The following EFCAB6 variants were observed in gnomAD, a reference collection of about 807,000 sequenced individuals.
EFCAB6 encodes the protein EF-hand calcium binding domain 6, also known as EF-hand calcium-binding domain-containing protein 6.
A neutral mutation model predicts 169.8 loss-of-function variants in EFCAB6; 156 were observed. The ratio of observed to expected loss-of-function variants is 0.92; its 90% CI spans 0.81 to 1.05. The LOEUF is 1.05. Among genes scored for constraint, EFCAB6 ranks in the 50% least tolerant of loss-of-function variants. The pLI is 0.00. For synonymous variants in EFCAB6, 698 were observed against 676.4 expected (o/e 1.03, Z -0.50); for missense variants, 1,800 against 1,829.1 (o/e 0.98, Z 0.29).
At position 43,626,674 on chromosome 22, in the gene EFCAB6, G is replaced by C. The variant is rs1279157144; in HGVS notation, c.2238C>G (p.Pro746=). The change falls in exon 20 of 32, where the codon CCC becomes CCG. Residue 746 remains proline (P), a synonymous_variant. Transcript: ENST00000262726. The part of the protein sequence containing the change: ...PRRLKESFRD[P]YSAFFKTDAD... ...CATCTGTTTTAAAGAAGGCAGAGTA[G>C]GGGTCCTAAAAACAAAACACACACG... 1 of 1,614,102 alleles carries C rather than the reference G, an allele frequency of 6.2e-7. No individual in the cohort carries two copies. The highest frequency in any genetic ancestry group is 1.1e-5 in the South Asian group (1 of 91,064).
intron 4 of EFCAB6, 100 bp downstream of exon 4, chr22:43,772,792 G>C (rs1019423489): frequency 3.1e-6 from 4 of 1,306,980 alleles, no homozygotes; most frequent in Non-Finnish European, 4.2e-6. Context: ...ACTGCTCAGT[G>C]GCAACAGTGG....
chr22:43,699,470 T>C (rs997051224), intron 10 of EFCAB6, among the ~76,000 whole-genome samples: 2 of 152,204 alleles, frequency 1.3e-5, no homozygotes, highest in Non-Finnish European at 2.9e-5. Flanking sequence ...ACTACTGGCC[T>C]TACTTGAACC....
chr22:43,771,303 T>G (rs1038418852), intron 4 of EFCAB6, among the ~76,000 whole-genome samples: 8 of 152,120 alleles, frequency 5.3e-5, no homozygotes, highest in Admixed American at 1.3e-4. Context: ...TGGTGGCACA[T>G]GCCTGTAATC....
At chr22:43,624,269 G>C (rs1226174855) in intron 20 of EFCAB6, among the ~76,000 whole-genome samples, 1 of 152,172 alleles carries the variant, frequency 6.6e-6, no homozygotes, top group Non-Finnish European at 1.5e-5. Flanking sequence ...CGGGGACCAA[G>C]TCAGTTCTCA....
intron 19 of EFCAB6, among the ~76,000 whole-genome samples, chr22:43,627,590 T>C (rs1217180759): frequency 6.6e-6 from 1 of 152,194 alleles, no homozygotes; most frequent in Non-Finnish European, 1.5e-5. Context: ...AGTGCAAGGC[T>C]CTGCCCGGGG....
At chr22:43,799,944 C>T (rs1286321303) in intron 2 of EFCAB6, among the ~76,000 whole-genome samples, 1 of 152,184 alleles carries the variant, frequency 6.6e-6, no homozygotes, top group East Asian at 1.9e-4. Flanking sequence ...ACCAGCTTCT[C>T]CACCATCTTG....
chr22:43,575,990 C>T (rs1437995671), intron 26 of EFCAB6, among the ~76,000 whole-genome samples: 1 of 152,150 alleles, frequency 6.6e-6, no homozygotes, highest in Non-Finnish European at 1.5e-5. Flanking sequence ...CTTTAGTAAT[C>T]TCATTTCCCA....
chr22:43,615,879 C>T lies in EFCAB6; in HGVS notation c.2509G>A (p.Ala837Thr). 6.2e-7 allele frequency: 1 copy of T among 1,613,776 alleles called. No homozygotes were observed. The highest frequency in any genetic ancestry group is 2.2e-5 in the East Asian group (1 of 44,856). Residue 837 changes from alanine to threonine, a missense_variant, in exon 21 of 32, where the codon GCT (alanine) becomes ACT (threonine). Physicochemically the swap from Ala to Thr is moderately conservative, Grantham distance 58. Transcript: ENST00000262726. ...GCTTTGGTAACAAGATACTGATGAG[C>T]CTGCTCACAAGCTAGTTCTGAATCC... ...VADSELACEQAHQYLVTKAKN... is the reference protein window; with the variant it reads ...VADSELACEQTHQYLVTKAKN...
rs1008251145 is a variant in EFCAB6, at chr22:43,580,588, G to C, written c.3104C>G (p.Ser1035Ter). 1.9e-6 allele frequency: 3 copies of C among 1,613,990 alleles called. No individual in the cohort carries two copies. Among genetic ancestry groups the C allele is most frequent in the Non-Finnish European group, 2.5e-6 (3 of 1,180,016 alleles). ...DFLRAVENSK[S>*]TGAQPKEKEE... ...TTTTTCCTTGGGCTGAGCTCCTGTTGACTTGCTGTTCTCCACTGCTCTCAG... is the reference window on the plus strand; with the variant it reads ...TTTTTCCTTGGGCTGAGCTCCTGTTCACTTGCTGTTCTCCACTGCTCTCAG... The change falls in exon 25 of 32, where the codon TCA (serine) becomes TGA (stop). Residue 1035 changes from serine (S) to a stop codon, truncating the protein, a stop_gained. Transcript: ENST00000262726. LOFTEE classifies it high-confidence loss of function.
intron 28 of EFCAB6, 119 bp downstream of exon 28, chr22:43,540,008 T>G: frequency 9.1e-7 from 1 of 1,101,558 alleles, no homozygotes; most frequent in South Asian, 1.5e-5. Flanking sequence ...CACCCCAGAC[T>G]CACCCGTCTT....
intron 6 of EFCAB6, among the ~76,000 whole-genome samples, chr22:43,751,151 A>C (rs1286391100): frequency 6.6e-6 from 1 of 152,244 alleles, no homozygotes; most frequent in Non-Finnish European, 1.5e-5. Context: ...GTACTTCTTT[A>C]ACTGAATATA....
intron 10 of EFCAB6, 35 bp from the exon 11 acceptor site, chr22:43,687,616 T>A: frequency 7.3e-7 from 1 of 1,364,158 alleles, no homozygotes; most frequent in Non-Finnish European, 1.0e-6. Flanking sequence ...AACATTACTT[T>A]AAACATTTTT....
chr22:43,784,536 T>G (rs1409969393), intron 2 of EFCAB6, among the ~76,000 whole-genome samples: 11 of 113,902 alleles, frequency 9.7e-5, no homozygotes, highest in Non-Finnish European at 1.8e-4. Context: ...TGTGTGTGTG[T>G]GTGTGTGTAT....
At chr22:43,665,556 C>G (rs952718270) in intron 17 of EFCAB6, among the ~76,000 whole-genome samples, 5 of 152,180 alleles carry the variant, frequency 3.3e-5, no homozygotes, top group African/African-American at 1.2e-4. Flanking sequence ...AGGACCCGTG[C>G]CACGTAGCTC....
At chr22:43,555,333 C>T (rs1455581836) in intron 26 of EFCAB6, among the ~76,000 whole-genome samples, 1 of 152,220 alleles carries the variant, frequency 6.6e-6, no homozygotes, top group Non-Finnish European at 1.5e-5. Flanking sequence ...TGGGGCAGAG[C>T]AGTGGCCCTG....
intron 3 of EFCAB6, among the ~76,000 whole-genome samples, chr22:43,781,284 C>CTTACAAT (rs1218312254): frequency 6.6e-6 from 1 of 152,200 alleles, no homozygotes; most frequent in African/African-American, 2.4e-5. Flanking sequence ...GGCAGCTTCA[C>CTTACAAT]TTACAATTGC....
chr22:43,668,035 T>C (rs917785389), intron 16 of EFCAB6, among the ~76,000 whole-genome samples: 3 of 152,238 alleles, frequency 2.0e-5, no homozygotes, highest in African/African-American at 7.2e-5. Flanking sequence ...CCATTGCTTC[T>C]TTCACCAGTT....
intron 6 of EFCAB6, among the ~76,000 whole-genome samples, chr22:43,751,750 G>A (rs1278683201): frequency 1.3e-5 from 2 of 152,214 alleles, no homozygotes; most frequent in Non-Finnish European, 2.9e-5. Flanking sequence ...CTCTGTGATG[G>A]ACTGGGTCTA....
At chr22:43,710,956 T>C (rs2059140324) in intron 10 of EFCAB6, among the ~76,000 whole-genome samples, 1 of 152,174 alleles carries the variant, frequency 6.6e-6, no homozygotes, top group South Asian at 2.1e-4. Context: ...AGATTACTTC[T>C]AAAATTAAGA....
Sources: gnomAD v4.1 joint callset for allele counts (sites outside exome capture counted in the v4.1 genomes callset) on GRCh38, gnomAD v4.1.1 for gene constraint, MANE v1.5 for transcripts, NCBI Gene and HGNC (gene_info 2026-07-23, HGNC 2026-07-21) for gene names.